Variants in RALGAPA1 observed in about 807,000 individuals in gnomAD.
RALGAPA1 encodes the protein Ral GTPase activating protein catalytic subunit alpha 1, also known as ral GTPase-activating protein subunit alpha-1.
A neutral mutation model predicts 269.6 loss-of-function variants in RALGAPA1; 52 were observed. That is an observed-to-expected ratio of 0.19 (90% CI 0.15 to 0.24). RALGAPA1 has a LOEUF of 0.24. Ranked by LOEUF, RALGAPA1 falls within the 10% of genes least tolerant of loss-of-function variation. RALGAPA1 has a pLI of 1.00. For synonymous variants in RALGAPA1, 817 were observed against 1,008.3 expected (o/e 0.81, Z 3.60); for missense variants, 1,917 against 3,013.9 (o/e 0.64, Z 8.52).
rs758672851 is a variant in RALGAPA1 at position 35,683,901 on chromosome 14, T to C, written c.4379A>G (p.Gln1460Arg). The change falls in exon 21 of 42, where the codon CAG becomes CGG. Residue 1460 changes from glutamine to arginine, a missense_variant. Coordinates refer to ENST00000680220, the MANE Select transcript of RALGAPA1 (RefSeq NM_001346249.2). ...AAGAGTAGTTAGACTAGCCACTTCCTGCTCTTCAGCACTCTGATGATGGCC... is the reference window on the plus strand; with the variant it reads ...AAGAGTAGTTAGACTAGCCACTTCCCGCTCTTCAGCACTCTGATGATGGCC... ...GSGHHQSAEE[Q>R]EVASLTTLHI... is the part of the protein sequence containing the mutation. 6.2e-7 allele frequency: 1 copy of C among 1,613,246 alleles called. No homozygotes were observed. Among genetic ancestry groups the C allele is most frequent in the East Asian group, 2.2e-5 (1 of 44,822 alleles).
chr14:35,744,859 A>G (rs2071900718), intron 10 of RALGAPA1, among the ~76,000 whole-genome samples: 1 of 152,216 alleles, frequency 6.6e-6, no homozygotes, highest in African/African-American at 2.4e-5. Flanking sequence ...AATAGTTAAA[A>G]TGATCCCAAA....
chr14:35,634,853 C>T, intron 32 of RALGAPA1, 96 bp from the exon 33 acceptor site: 1 of 1,177,054 alleles, frequency 8.5e-7, no homozygotes, highest in Non-Finnish European at 1.2e-6. Context: ...ACACAAGAGC[C>T]TGGCAAAGAT....
chr14:35,687,438 A>G (rs1454597841), intron 18 of RALGAPA1, among the ~76,000 whole-genome samples: 1 of 152,172 alleles, frequency 6.6e-6, no homozygotes, highest in African/African-American at 2.4e-5. Flanking sequence ...AAAAAAACAC[A>G]CTGGTCAGAA....
At chr14:35,617,687 T>A (rs943139906) in intron 35 of RALGAPA1, among the ~76,000 whole-genome samples, 1 of 150,182 alleles carries the variant, frequency 6.7e-6, no homozygotes, top group East Asian at 2.0e-4. Flanking sequence ...ATTATTTCAT[T>A]GTTAAATAAT....
chr14:35,620,064 CA>C (rs2060512855), intron 35 of RALGAPA1, among the ~76,000 whole-genome samples: 2 of 151,856 alleles, frequency 1.3e-5, no homozygotes, highest in Admixed American at 1.3e-4. Context: ...GCAGACACAA[CA>C]AAAAAAGAGA....
At chr14:35,638,509 A>G (rs1594921959) in intron 31 of RALGAPA1, among the ~76,000 whole-genome samples, 1 of 152,200 alleles carries the variant, frequency 6.6e-6, no homozygotes, top group Non-Finnish European at 1.5e-5. Flanking sequence ...ACAAAACCAT[A>G]ATACCAGAGA....
intron 39 of RALGAPA1, among the ~76,000 whole-genome samples, chr14:35,557,723 ATAG>A (rs2055766448): frequency 6.6e-6 from 1 of 152,174 alleles, no homozygotes; most frequent in Non-Finnish European, 1.5e-5. Flanking sequence ...AGGATATGGA[ATAG>A]TAGTAAATTT....
chr14:35,544,378 T>C (rs1024527620), intron 41 of RALGAPA1, among the ~76,000 whole-genome samples: 4 of 152,362 alleles, frequency 2.6e-5, no homozygotes, highest in Middle Eastern at 3.4e-3. Flanking sequence ...GTTAAGATCA[T>C]GCCCTCTGAA....
intron 20 of RALGAPA1, 66 bp from the exon 21 acceptor site, chr14:35,684,051 A>T (rs896851126): frequency 1.8e-5 from 23 of 1,259,832 alleles, no homozygotes; most frequent in African/African-American, 3.1e-5. Context: ...ACGAGAGCTA[A>T]ATCAGCAAAA....
intron 16 of RALGAPA1, among the ~76,000 whole-genome samples, chr14:35,712,310 G>T (rs2068426206): frequency 6.6e-6 from 1 of 150,846 alleles, no homozygotes; most frequent in South Asian, 2.1e-4. Flanking sequence ...TCCAGTGTTG[G>T]TGGTAAGTAA....
intron 11 of RALGAPA1, among the ~76,000 whole-genome samples, chr14:35,739,823 C>T (rs1184742675): frequency 2.0e-5 from 3 of 152,152 alleles, no homozygotes; most frequent in Admixed American, 1.3e-4. Context: ...ACAATCTATC[C>T]TCCATTCTGG....
intron 26 of RALGAPA1, among the ~76,000 whole-genome samples, chr14:35,668,815 A>G (rs1032716109): frequency 1.3e-5 from 2 of 152,220 alleles, no homozygotes; most frequent in African/African-American, 4.8e-5. Context: ...CTCAAAAACA[A>G]AACAAAACAA....
chr14:35,798,035 C>T (rs889630993), intron 1 of RALGAPA1, among the ~76,000 whole-genome samples: 2 of 150,056 alleles, frequency 1.3e-5, no homozygotes, highest in African/African-American at 2.5e-5. Context: ...ACCACATCTG[C>T]ATAATTTTTG....
At chr14:35,804,922 T>A (rs2141964784) in intron 1 of RALGAPA1, among the ~76,000 whole-genome samples, 1 of 151,572 alleles carries the variant, frequency 6.6e-6, no homozygotes, top group African/African-American at 2.4e-5. Context: ...GAAGACCCTG[T>A]CACAAGAAAA....
At chr14:35,794,613 C>T (rs1197548096) in intron 1 of RALGAPA1, among the ~76,000 whole-genome samples, 2 of 152,070 alleles carry the variant, frequency 1.3e-5, no homozygotes, top group Non-Finnish European at 2.9e-5. Context: ...CCCGCCACGG[C>T]GCCCGGCTAA....
chr14:35,677,019 T>C (rs1157137172), intron 22 of RALGAPA1: 4 of 152,140 alleles, frequency 2.6e-5, no homozygotes, highest in African/African-American at 9.7e-5. Context: ...ATTAGGGCTA[T>C]ATAATTACAA....
In RALGAPA1 at chr14:35,605,500, AAT is replaced by A. The variant is rs1377366413; in HGVS notation, c.7053+84_7053+85del. 107 of 1,372,404 alleles carry A rather than the reference AAT, an allele frequency of 7.8e-5. 1 individual carries two copies. The South Asian group carries it at 1.4e-3, about 18-fold the overall frequency. 85.0% of individuals were successfully genotyped at this position (1,372,404 alleles called of 1,614,324 possible). On this transcript the variant is annotated intron_variant, in intron 36 of 41. Coordinates refer to ENST00000680220, the MANE Select transcript of RALGAPA1 (RefSeq NM_001346249.2). ...GTTAAGTTGTTGTATCTCCTAAAAT[AAT>A]ACTTCTATAATAAGCTAGGAAAAAA...
In RALGAPA1 at chr14:35,678,494, C is replaced by G. The variant is rs149797246; in HGVS notation, c.4472-392G>C. On this transcript the variant is annotated intron_variant, in intron 21 of 41. Transcript: ENST00000680220. ...TCACTGCTGCTCTATATGCAACTAT[C>G]AATGCTTGGTTTACAGTGGTTCCCA... 4.1e-3 allele frequency among the ~76,000 whole-genome samples: 620 copies of G among 152,294 alleles called. 2 individuals carry two copies. The highest frequency in any genetic ancestry group is 0.014 in the African/African-American group (595 of 41,558).
chr14:35,655,607 T>C (rs530564273), intron 29 of RALGAPA1, among the ~76,000 whole-genome samples, 200 bp downstream of exon 29: 4 of 152,042 alleles, frequency 2.6e-5, no homozygotes, highest in South Asian at 2.1e-4. Context: ...AAAGTTGAGA[T>C]AAAAATGGGT....
Sources: allele counts gnomAD v4.1 joint callset (sites outside exome capture counted in the v4.1 genomes callset), GRCh38; gene constraint gnomAD v4.1.1; transcripts MANE v1.5; gene names NCBI Gene and HGNC (gene_info 2026-07-23, HGNC 2026-07-21).